Variants in PCDHA3 observed in about 807,000 individuals in gnomAD.
PCDHA3 encodes protocadherin alpha 3, also known as protocadherin alpha-3.
PCDHA3 carries 41 observed loss-of-function variants against 62.2 expected under a neutral mutation model. The ratio of observed to expected loss-of-function variants is 0.66; its 90% CI spans 0.51 to 0.86. PCDHA3 has a LOEUF of 0.86. PCDHA3 is among the 40% of genes least tolerant of loss of function. The pLI is 0.00. For missense variants in PCDHA3, 1,304 were observed against 1,241.2 expected (o/e 1.05, Z -0.76); for synonymous variants, 640 against 555.4 (o/e 1.15, Z -2.14).
At chr5:141,001,289 TGAGGCCCA>T (rs1387793441) in intron 3 of PCDHA3, among the ~76,000 whole-genome samples, 1 of 152,150 alleles carries the variant, frequency 6.6e-6, no homozygotes, top group Non-Finnish European at 1.5e-5. Context: ...GGATGAAAAC[TGAGGCCCA>T]GAGATATGAA....
At chr5:140,930,814 T>A (rs1554208117) in intron 1 of PCDHA3, among the ~76,000 whole-genome samples, 1 of 152,210 alleles carries the variant, frequency 6.6e-6, no homozygotes, top group Non-Finnish European at 1.5e-5. Flanking sequence ...AAGATATGCT[T>A]AGTAAATGCT....
chr5:140,815,478 C>A (rs1276711473), intron 1 of PCDHA3: 2 of 152,012 alleles, frequency 1.3e-5, no homozygotes, highest in African/African-American at 4.8e-5. Flanking sequence ...TTACTTCTCC[C>A]CTACCCAAAT....
intron 1 of PCDHA3, 53 bp downstream of exon 1, chr5:140,803,644 A>T: frequency 6.2e-7 from 1 of 1,613,020 alleles, no homozygotes; most frequent in Non-Finnish European, 8.5e-7. Context: ...TCATTCCTCA[A>T]TGTTTCCACT....
chr5:140,969,251 A>G, intron 1 of PCDHA3: 1 of 1,614,262 alleles, frequency 6.2e-7, no homozygotes, highest in South Asian at 1.1e-5. Flanking sequence ...AGTGACTGAC[A>G]GCAGGAATCT....
chr5:140,967,774 G>C (rs1447955993), intron 1 of PCDHA3: 3 of 1,614,106 alleles, frequency 1.9e-6, no homozygotes, highest in Non-Finnish European at 1.7e-6. Context: ...TCTATGTGCA[G>C]GCGACTGACC....
chr5:140,842,533 C>T, intron 1 of PCDHA3: 2 of 1,613,062 alleles, frequency 1.2e-6, no homozygotes, highest in Non-Finnish European at 1.7e-6. Context: ...TCAAGAATTA[C>T]TACTCGTTGG....
intron 3 of PCDHA3, among the ~76,000 whole-genome samples, chr5:141,000,389 CTCTCTCTATATA>C (rs1270729414): frequency 5.3e-4 from 33 of 62,572 alleles, no homozygotes; most frequent in African/African-American, 2.0e-3. Context: ...CTCTCTCTCT[CTCTCTCTATATA>C]TATATATATA....
At chr5:140,992,457 A>G (rs2097512834) in intron 3 of PCDHA3, among the ~76,000 whole-genome samples, 1 of 152,136 alleles carries the variant, frequency 6.6e-6, no homozygotes, top group Non-Finnish European at 1.5e-5. Context: ...GCAGCAGAGG[A>G]CAGTACTCTT....
chr5:140,968,150 A>C, intron 1 of PCDHA3: 1 of 1,614,180 alleles, frequency 6.2e-7, no homozygotes. Context: ...GATCTCTGAC[A>C]TCAATGACAA....
intron 3 of PCDHA3, among the ~76,000 whole-genome samples, chr5:140,986,019 G>T (rs562523452): frequency 1.3e-5 from 2 of 152,036 alleles, no homozygotes; most frequent in African/African-American, 2.4e-5. Flanking sequence ...GATTACAGGC[G>T]TGAGCCACTG....
At chr5:140,830,048 G>A (rs2150180232) in intron 1 of PCDHA3, 1 of 1,613,792 alleles carries the variant, frequency 6.2e-7, no homozygotes, top group South Asian at 1.1e-5. Context: ...GCTGGTGAAA[G>A]ACCACGGTGA....
At chr5:140,969,601 T>C (rs2096345611) in intron 1 of PCDHA3, 1 of 772,836 alleles carries the variant, frequency 1.3e-6, no homozygotes, top group African/African-American at 1.8e-5. Flanking sequence ...TATTTAATGC[T>C]AAAACACAGA....
At chr5:140,877,091 C>G (rs782722834) in intron 1 of PCDHA3, 2 of 1,613,252 alleles carry the variant, frequency 1.2e-6, no homozygotes, top group African/African-American at 1.3e-5. Flanking sequence ...GCGCGCGACG[C>G]CGGCGTGCCG....
intron 1 of PCDHA3, chr5:140,823,505 G>A (rs1767736595): frequency 6.2e-7 from 1 of 1,613,446 alleles, no homozygotes; most frequent in Non-Finnish European, 8.5e-7. Flanking sequence ...GGCGCAGTGA[G>A]CGAGCTGGTG....
chr5:140,821,676 A>C, intron 1 of PCDHA3: 1 of 1,310,990 alleles, frequency 7.6e-7, no homozygotes, highest in Non-Finnish European at 1.0e-6. Flanking sequence ...AAGCTCAGAA[A>C]GGCGATAATA....
chr5:140,861,426 T>G (rs1451953787), intron 1 of PCDHA3: 8 of 485,290 alleles, frequency 1.6e-5, no homozygotes, highest in South Asian at 1.1e-4. Flanking sequence ...CCTGTTTCAG[T>G]TGGATTCCAA....
intron 1 of PCDHA3, chr5:140,835,470 GCC>G: frequency 6.2e-7 from 1 of 1,613,868 alleles, no homozygotes; most frequent in Non-Finnish European, 8.5e-7. Flanking sequence ...TCCAGAGGAC[GCC>G]CAACCAGGTA....
At chr5:140,849,862 C>T (rs2150454518) in intron 1 of PCDHA3, 1 of 1,598,598 alleles carries the variant, frequency 6.3e-7, no homozygotes, top group African/African-American at 1.3e-5. Context: ...CCAGCGTTCG[C>T]GCAGTCCGAG....
rs1322777523 is a variant in PCDHA3 at position 140,961,683 on chromosome 5, A to G, written c.2395-17266A>G. Among the ~76,000 whole-genome samples, 6 of 152,224 alleles carry G rather than the reference A, an allele frequency of 3.9e-5. No homozygotes were observed. The East Asian group carries it at 1.2e-3, about 29-fold the overall frequency. ...AGTTACCAGTTTTTAATTAAGCCGGAGTAGTCCTTAGTATGAATGCCTTCA... is the reference window on the plus strand; with the variant it reads ...AGTTACCAGTTTTTAATTAAGCCGGGGTAGTCCTTAGTATGAATGCCTTCA... On this transcript the variant is annotated intron_variant, in intron 1 of 3. Transcript: ENST00000522353.
Sources: allele counts gnomAD v4.1 joint callset (sites outside exome capture counted in the v4.1 genomes callset), GRCh38; gene constraint gnomAD v4.1.1; transcripts MANE v1.5; gene names NCBI Gene and HGNC (gene_info 2026-07-23, HGNC 2026-07-21).